PATJ: variants seen among roughly 807,000 people sequenced by gnomAD.
PATJ encodes the protein inaD-like protein.
In PATJ, 190 loss-of-function variants were observed where a neutral mutation model predicts 224.9. That is an observed-to-expected ratio of 0.84 (90% CI 0.75 to 0.95). The LOEUF is 0.95. Among genes scored for constraint, PATJ ranks in the 40% least tolerant of loss-of-function variants. The pLI is 0.00. For synonymous variants in PATJ, 769 were observed against 820.3 expected (o/e 0.94, Z 1.07); for missense variants, 2,121 against 2,270.3 (o/e 0.93, Z 1.34).
At chr1:61,872,438 G>C (rs1420614835) in intron 20 of PATJ, among the ~76,000 whole-genome samples, 1 of 152,098 alleles carries the variant, frequency 6.6e-6, no homozygotes, top group African/African-American at 2.4e-5. Flanking sequence ...AAGATTACCT[G>C]GTGGTCATCA....
intron 6 of PATJ, among the ~76,000 whole-genome samples, chr1:61,773,576 C>A (rs1646738057): frequency 6.6e-6 from 1 of 150,878 alleles, no homozygotes; most frequent in Non-Finnish European, 1.5e-5. Flanking sequence ...CACCTGAGGT[C>A]AGGAGTTCGA....
At chr1:62,000,593 A>G (rs1015690885) in intron 28 of PATJ, among the ~76,000 whole-genome samples, 3 of 150,942 alleles carry the variant, frequency 2.0e-5, no homozygotes, top group Non-Finnish European at 2.9e-5. Context: ...AATCCAGCCT[A>G]TCATTGTTGG....
At chr1:61,779,236 A>G (rs1009521622) in intron 7 of PATJ, among the ~76,000 whole-genome samples, 1 of 152,214 alleles carries the variant, frequency 6.6e-6, no homozygotes, top group Non-Finnish European at 1.5e-5. Context: ...GGCTCATGCC[A>G]TGGTGGGGGC....
intron 12 of PATJ, 122 bp from the exon 13 acceptor site, chr1:61,805,326 T>C: frequency 1.6e-6 from 1 of 638,224 alleles, no homozygotes; most frequent in South Asian, 2.0e-5. Flanking sequence ...ATTTTCCTTT[T>C]TATTCATTTC....
At chr1:61,953,178 T>A (rs1197755963) in intron 27 of PATJ, among the ~76,000 whole-genome samples, 3 of 152,210 alleles carry the variant, frequency 2.0e-5, no homozygotes, top group Non-Finnish European at 4.4e-5. Flanking sequence ...AAAAAATTAA[T>A]TTCTTAAAAT....
intron 31 of PATJ, 126 bp downstream of exon 31, chr1:62,051,184 G>A: frequency 4.2e-6 from 3 of 712,252 alleles, no homozygotes; most frequent in Non-Finnish European, 7.2e-6. Context: ...TGTGAGACAA[G>A]AAGCTATTAT....
At chr1:61,866,477 T>C (rs1665442929) in intron 20 of PATJ, among the ~76,000 whole-genome samples, 1 of 152,232 alleles carries the variant, frequency 6.6e-6, no homozygotes, top group Non-Finnish European at 1.5e-5. Context: ...AGTATCTACA[T>C]TATCACTAGA....
intron 43 of PATJ, among the ~76,000 whole-genome samples, chr1:62,156,771 C>T (rs1054458163): frequency 6.6e-6 from 1 of 151,334 alleles, no homozygotes; most frequent in Non-Finnish European, 1.5e-5. Context: ...TAAAAATTAG[C>T]TGGTCATGGT....
intron 29 of PATJ, among the ~76,000 whole-genome samples, chr1:62,036,403 CT>C (rs1650389205): frequency 6.6e-6 from 1 of 152,162 alleles, no homozygotes. Context: ...GGTTGAACAA[CT>C]GGACAGATGT....
At chr1:61,835,060 T>C (rs1659950398) in intron 17 of PATJ, among the ~76,000 whole-genome samples, 1 of 152,172 alleles carries the variant, frequency 6.6e-6, no homozygotes, top group African/African-American at 2.4e-5. Context: ...GTGATTTAAA[T>C]TTACTGAAAA....
intron 11 of PATJ, among the ~76,000 whole-genome samples, chr1:61,799,576 CAG>C (rs1652045771): frequency 1.3e-5 from 2 of 152,098 alleles, no homozygotes; most frequent in South Asian, 4.1e-4. Flanking sequence ...TTTATAGATT[CAG>C]GGGATAAATG....
At chr1:61,788,160 TAA>T (rs1465926418) in intron 8 of PATJ, among the ~76,000 whole-genome samples, 188 bp downstream of exon 8, 1 of 152,190 alleles carries the variant, frequency 6.6e-6, no homozygotes, top group East Asian at 1.9e-4. Context: ...TTCTCAGGGT[TAA>T]GTCATTCAGC....
chr1:61,969,116 T>C (rs1682585350), intron 27 of PATJ, among the ~76,000 whole-genome samples: 1 of 152,234 alleles, frequency 6.6e-6, no homozygotes, highest in Admixed American at 6.5e-5. Flanking sequence ...TTTGTGTTTT[T>C]TTCTATTCAT....
chr1:62,117,810 CA>C (rs1391055704), intron 37 of PATJ, among the ~76,000 whole-genome samples: 1 of 152,006 alleles, frequency 6.6e-6, no homozygotes, highest in Non-Finnish European at 1.5e-5. Context: ...TAATGGCTGA[CA>C]AAATCAAGAT....
At chr1:61,771,686 G>T (rs923957120) in intron 6 of PATJ, 60 bp downstream of exon 6, 3 of 1,211,308 alleles carry the variant, frequency 2.5e-6, no homozygotes, top group Non-Finnish European at 2.3e-6. Flanking sequence ...CGTAAGAAGT[G>T]TAAAGACATT....
At chr1:61,923,922 CAAAA>C (rs535481890) in intron 26 of PATJ, among the ~76,000 whole-genome samples, 1 of 77,786 alleles carries the variant, frequency 1.3e-5, no homozygotes. Context: ...AACTCCATCT[CAAAA>C]AAAAAAAAAA....
Position 62,051,055 on chromosome 1 carries a change from A to G in PATJ, c.4122A>G (p.Lys1374=). Reference sequence around the variant, plus strand: ...AATTGCCTGAAAGTGAAAGCTTCAAACTGGTGAGAATCTTGAGTATTTTTC... The same window carrying G: ...AATTGCCTGAAAGTGAAAGCTTCAAGCTGGTGAGAATCTTGAGTATTTTTC... ...IKQLPESESF[K]LAVSQMKQQK... Residue 1374 remains lysine (K), a synonymous_variant, in exon 31 of 44, where the codon AAA becomes AAG. Transcript: ENST00000642238. 6.2e-7 allele frequency: 1 copy of G among 1,607,220 alleles called. No individual in the cohort carries two copies. The highest frequency in any genetic ancestry group is 8.5e-7 in the Non-Finnish European group (1 of 1,173,936).
At chr1:61,745,608 A>T (rs369177103) in intron 1 of PATJ, among the ~76,000 whole-genome samples, 133 of 138,020 alleles carry the variant, frequency 9.6e-4, no homozygotes, top group African/African-American at 2.2e-3. Context: ...TTAATTAATT[A>T]ATTTATTTAT....
chr1:62,096,086 TAAAAC>T (rs1239209013), intron 33 of PATJ, among the ~76,000 whole-genome samples: 1 of 151,818 alleles, frequency 6.6e-6, no homozygotes, highest in Non-Finnish European at 1.5e-5. Flanking sequence ...GCACAAAAAT[TAAAAC>T]AAAAAAAGAC....
Sources: allele counts gnomAD v4.1 joint callset (sites outside exome capture counted in the v4.1 genomes callset), GRCh38; gene constraint gnomAD v4.1.1; transcripts MANE v1.5; gene names NCBI Gene and HGNC (gene_info 2026-07-23, HGNC 2026-07-21).